DSCAM: variants seen among roughly 807,000 people sequenced by gnomAD.
DSCAM encodes cell adhesion molecule DSCAM.
In DSCAM, 47 loss-of-function variants were observed where a neutral mutation model predicts 217.7. That is an observed-to-expected ratio of 0.22 (90% CI 0.17 to 0.28). The LOEUF is 0.28. DSCAM is among the 10% of genes least tolerant of loss of function. DSCAM has a pLI of 1.00. For missense variants in DSCAM, 2,080 were observed against 2,618.3 expected, an observed-to-expected ratio of 0.79 and a Z score of 4.49; for synonymous variants, 1,056 against 1,015.3, an observed-to-expected ratio of 1.04 and a Z score of -0.76.
At chr21:40,544,148 A>G (rs1195703762) in intron 3 of DSCAM, among the ~76,000 whole-genome samples, 2 of 152,274 alleles carry the variant, frequency 1.3e-5, no homozygotes, top group East Asian at 3.9e-4. Flanking sequence ...GCTTCATAAT[A>G]CAGGCAGGTG....
At chr21:40,587,348 A>T (rs2076954104) in intron 3 of DSCAM, among the ~76,000 whole-genome samples, 1 of 152,220 alleles carries the variant, frequency 6.6e-6, no homozygotes, top group Non-Finnish European at 1.5e-5. Flanking sequence ...TACAATGCTA[A>T]TCCACACACT....
intron 11 of DSCAM, among the ~76,000 whole-genome samples, chr21:40,247,387 C>A (rs2073240732): frequency 6.6e-6 from 1 of 152,160 alleles, no homozygotes; most frequent in Non-Finnish European, 1.5e-5. Context: ...TGAGCCTGTG[C>A]AATCAAAGCC....
At chr21:40,380,877 C>T (rs1471790343) in intron 3 of DSCAM, among the ~76,000 whole-genome samples, 1 of 151,738 alleles carries the variant, frequency 6.6e-6, no homozygotes, top group Non-Finnish European at 1.5e-5. Context: ...TCCTGGCTAA[C>T]ACGGTGAAAC....
intron 1 of DSCAM, among the ~76,000 whole-genome samples, chr21:40,750,813 C>T (rs760277353): frequency 2.6e-5 from 4 of 152,106 alleles, no homozygotes; most frequent in African/African-American, 9.7e-5. Context: ...CACCTCAAAT[C>T]CAACCTATCA....
intron 3 of DSCAM, among the ~76,000 whole-genome samples, chr21:40,476,575 C>A (rs1439453095): frequency 6.6e-6 from 1 of 152,110 alleles, no homozygotes; most frequent in Non-Finnish European, 1.5e-5. Flanking sequence ...GTGGTCTTAA[C>A]TAAACAATGA....
chr21:40,519,899 C>G (rs1257203926), intron 3 of DSCAM, among the ~76,000 whole-genome samples: 1 of 151,316 alleles, frequency 6.6e-6, no homozygotes, highest in Non-Finnish European at 1.5e-5. Context: ...TATAAAATAC[C>G]CTGTTGATTA....
intron 3 of DSCAM, among the ~76,000 whole-genome samples, chr21:40,441,186 A>G (rs2075627118): frequency 6.6e-6 from 1 of 152,184 alleles, no homozygotes; most frequent in Admixed American, 6.5e-5. Context: ...TCCAAGAAGG[A>G]GGAAGTGCCA....
chr21:40,482,513 A>T (rs2075991965), intron 3 of DSCAM, among the ~76,000 whole-genome samples: 1 of 152,226 alleles, frequency 6.6e-6, no homozygotes, highest in Non-Finnish European at 1.5e-5. Flanking sequence ...CAACATGGGT[A>T]TACTTTGAAA....
intron 1 of DSCAM, among the ~76,000 whole-genome samples, chr21:40,779,316 CT>C (rs1255376096): frequency 6.6e-6 from 1 of 152,148 alleles, no homozygotes; most frequent in Non-Finnish European, 1.5e-5. Context: ...CACACTTAAA[CT>C]TTTTAAAAAC....
intron 19 of DSCAM, among the ~76,000 whole-genome samples, chr21:40,130,439 A>G (rs893535043): frequency 3.3e-5 from 5 of 152,226 alleles, no homozygotes; most frequent in African/African-American, 1.2e-4. Flanking sequence ...ACAGACCCCA[A>G]AAAATATGTC....
At chr21:40,140,636 A>G (rs1256470287) in intron 18 of DSCAM, among the ~76,000 whole-genome samples, 1 of 152,208 alleles carries the variant, frequency 6.6e-6, no homozygotes, top group Non-Finnish European at 1.5e-5. Flanking sequence ...ATGATATCCT[A>G]TGGTATTTTG....
At chr21:40,127,383 A>G (rs2090105774) in intron 19 of DSCAM, among the ~76,000 whole-genome samples, 1 of 152,210 alleles carries the variant, frequency 6.6e-6, no homozygotes, top group Non-Finnish European at 1.5e-5. Flanking sequence ...ATTTTCTTGA[A>G]ACATTCTTAG....
At chr21:40,458,263 A>G (rs548520151) in intron 3 of DSCAM, among the ~76,000 whole-genome samples, 5 of 152,322 alleles carry the variant, frequency 3.3e-5, no homozygotes, top group African/African-American at 9.6e-5. Flanking sequence ...ATGCTAGGTC[A>G]CAAAGAGAAG....
At chr21:40,395,908 C>T (rs1476015118) in intron 3 of DSCAM, among the ~76,000 whole-genome samples, 5 of 152,174 alleles carry the variant, frequency 3.3e-5, no homozygotes, top group Non-Finnish European at 7.3e-5. Context: ...CTCCCTGCCA[C>T]GGCCCTCACA....
chr21:40,773,188 T>C (rs1178755279), intron 1 of DSCAM, among the ~76,000 whole-genome samples: 3 of 152,358 alleles, frequency 2.0e-5, no homozygotes, highest in South Asian at 4.1e-4. Context: ...CAGGTTCTAC[T>C]TCTAGGAAAC....
At chr21:40,825,146 C>G (rs898211443) in intron 1 of DSCAM, among the ~76,000 whole-genome samples, 1 of 152,136 alleles carries the variant, frequency 6.6e-6, no homozygotes, top group African/African-American at 2.4e-5. Context: ...ATGGAGGGAG[C>G]AACTTACGTG....
chr21:40,824,403 A>ATTTTTTT lies in DSCAM; in HGVS notation c.43+22209_43+22215dup, dbSNP rs536114434. On this transcript the variant is annotated intron_variant, in intron 1 of 32. Transcript: ENST00000400454. ...GCTCCCTATCCCATTTTTATTATTG[A>ATTTTTTT]TTTTTTTTTTTTTTTTTGGAGACAG... Among the ~76,000 whole-genome samples, 448 of 120,926 alleles carry ATTTTTTT rather than the reference A, an allele frequency of 3.7e-3. 24 individuals carry two copies. Among genetic ancestry groups the ATTTTTTT allele is most frequent in the African/African-American group, 0.014 (410 of 28,650 alleles). 79.3% of individuals were successfully genotyped at this position (120,926 alleles called of 152,430 possible).
At chr21:40,041,015 A>T (rs556639417) in intron 32 of DSCAM, among the ~76,000 whole-genome samples, 1 of 152,334 alleles carries the variant, frequency 6.6e-6, no homozygotes, top group East Asian at 1.9e-4. Context: ...AAATAAAGGA[A>T]GCCATCATTC....
intron 3 of DSCAM, among the ~76,000 whole-genome samples, chr21:40,533,501 C>A (rs1047693194): frequency 6.6e-6 from 1 of 151,328 alleles, no homozygotes; most frequent in Admixed American, 6.6e-5. Flanking sequence ...ATCCATCCAT[C>A]CAACCAGCCA....
Sources: allele counts gnomAD v4.1 joint callset (sites outside exome capture counted in the v4.1 genomes callset), GRCh38; gene constraint gnomAD v4.1.1; transcripts MANE v1.5; gene names NCBI Gene and HGNC (gene_info 2026-07-23, HGNC 2026-07-21).